Variants in CSMD2 observed in about 807,000 individuals in gnomAD.
CSMD2 encodes CUB and sushi domain-containing protein 2.
A neutral mutation model predicts 398.5 loss-of-function variants in CSMD2; 130 were observed. The ratio of observed to expected loss-of-function variants is 0.33; its 90% CI spans 0.28 to 0.38. The LOEUF (loss-of-function observed/expected upper bound fraction) is 0.38. Among genes scored for constraint, CSMD2 ranks in the 10% least tolerant of loss-of-function variants. The pLI is 1.00. For synonymous variants in CSMD2, 1,828 were observed against 1,908.5 expected, an observed-to-expected ratio of 0.96 and a Z score of 1.10; for missense variants, 3,829 against 4,764.9, an observed-to-expected ratio of 0.80 and a Z score of 5.78.
intron 1 of CSMD2, among the ~76,000 whole-genome samples, chr1:34,148,968 G>C (rs186877862): frequency 3.3e-5 from 5 of 152,282 alleles, no homozygotes; most frequent in Admixed American, 3.3e-4. Flanking sequence ...CAAGGGTCTA[G>C]TGTTTCCCAC....
intron 10 of CSMD2, chr1:33,804,648 T>A: frequency 1.4e-6 from 1 of 712,212 alleles, no homozygotes; most frequent in Non-Finnish European, 2.6e-6. Flanking sequence ...AATGCTCATC[T>A]CATAAAACAT....
At chr1:34,085,084 C>T (rs1175681418) in intron 2 of CSMD2, among the ~76,000 whole-genome samples, 1 of 152,132 alleles carries the variant, frequency 6.6e-6, no homozygotes, top group Non-Finnish European at 1.5e-5. Flanking sequence ...TTTGTAGGGA[C>T]ATGGATGAAG....
intron 64 of CSMD2, among the ~76,000 whole-genome samples, chr1:33,530,263 C>A (rs1655120651): frequency 6.6e-6 from 1 of 152,018 alleles, no homozygotes; most frequent in African/African-American, 2.4e-5. Context: ...AATAGATAAC[C>A]TGATTTAAAA....
intron 3 of CSMD2, among the ~76,000 whole-genome samples, chr1:33,946,882 G>A (rs1039090492): frequency 6.6e-6 from 1 of 151,592 alleles, no homozygotes; most frequent in African/African-American, 2.4e-5. Flanking sequence ...TGATCCACCT[G>A]CCTTAGCCTC....
chr1:33,959,872 C>T (rs1438519731), intron 3 of CSMD2, among the ~76,000 whole-genome samples: 9 of 152,294 alleles, frequency 5.9e-5, no homozygotes, highest in African/African-American at 1.7e-4. Flanking sequence ...GATTGGCTTG[C>T]CCCCTGGCTG....
At chr1:33,782,451 C>T (rs1456840127) in intron 12 of CSMD2, among the ~76,000 whole-genome samples, 1 of 152,098 alleles carries the variant, frequency 6.6e-6, no homozygotes, top group Non-Finnish European at 1.5e-5. Flanking sequence ...ATTCATCAGC[C>T]CCTCTTCACA....
intron 6 of CSMD2, among the ~76,000 whole-genome samples, chr1:33,831,185 G>C (rs1235814754): frequency 1.3e-4 from 19 of 151,914 alleles, no homozygotes; most frequent in Non-Finnish European, 2.4e-4. Flanking sequence ...TCCTCGAGAA[G>C]AGCAACTCTA....
chr1:33,536,663 C>T (rs1034331201), intron 62 of CSMD2, among the ~76,000 whole-genome samples: 2 of 152,208 alleles, frequency 1.3e-5, no homozygotes, highest in Admixed American at 6.5e-5. Context: ...GGCACATGCT[C>T]GTTGCCACTG....
At chr1:33,850,222 T>C (rs952407538) in intron 5 of CSMD2, among the ~76,000 whole-genome samples, 1 of 151,798 alleles carries the variant, frequency 6.6e-6, no homozygotes, top group African/African-American at 2.4e-5. Context: ...ACCCTGAGTG[T>C]GCACGCACAC....
intron 28 of CSMD2, among the ~76,000 whole-genome samples, chr1:33,649,264 C>T (rs1030173839): frequency 6.6e-6 from 1 of 152,202 alleles, no homozygotes; most frequent in Non-Finnish European, 1.5e-5. Context: ...TACTCAGATA[C>T]AGCAAGTCCT....
At chr1:33,603,570 C>T (rs910244214) in intron 42 of CSMD2, among the ~76,000 whole-genome samples, 7 of 152,226 alleles carry the variant, frequency 4.6e-5, no homozygotes, top group Admixed American at 3.9e-4. Flanking sequence ...ATCCCTGCTA[C>T]ATAAGCTGAA....
chr1:33,631,813 G>A (rs996240544), intron 32 of CSMD2, among the ~76,000 whole-genome samples: 2 of 152,096 alleles, frequency 1.3e-5, no homozygotes, highest in East Asian at 3.9e-4. Context: ...AGATTCTGAT[G>A]CAATGTTTTA....
At chr1:33,662,107 T>C (rs958631454) in intron 26 of CSMD2, among the ~76,000 whole-genome samples, 1 of 152,194 alleles carries the variant, frequency 6.6e-6, no homozygotes, top group African/African-American at 2.4e-5. Flanking sequence ...ACCAATCATA[T>C]AAATTATCTC....
At chr1:33,674,745 T>G (rs1397390437) in intron 25 of CSMD2, among the ~76,000 whole-genome samples, 1 of 152,018 alleles carries the variant, frequency 6.6e-6, no homozygotes, top group East Asian at 1.9e-4. Context: ...GAACAGAAAT[T>G]ATAACAAACT....
intron 7 of CSMD2, among the ~76,000 whole-genome samples, chr1:33,822,640 T>G (rs1175538034): frequency 6.6e-6 from 1 of 152,130 alleles, no homozygotes; most frequent in African/African-American, 2.4e-5. Context: ...CACCTCAGGC[T>G]GGGAAAGTAA....
At chr1:34,150,090 G>GT (rs1366026576) in intron 1 of CSMD2, among the ~76,000 whole-genome samples, 16 of 140,358 alleles carry the variant, frequency 1.1e-4, no homozygotes, top group East Asian at 4.2e-4. Context: ...TTTTTTTTTT[G>GT]TTTTTTTTTG....
chr1:33,982,863 AT>A (rs1375883424), intron 3 of CSMD2, among the ~76,000 whole-genome samples: 1 of 152,196 alleles, frequency 6.6e-6, no homozygotes, highest in Non-Finnish European at 1.5e-5. Flanking sequence ...GGCTTTGTAC[AT>A]CCAAGACATT....
chr1:33,679,630 G>C (rs998176752), intron 25 of CSMD2, among the ~76,000 whole-genome samples: 2 of 152,140 alleles, frequency 1.3e-5, no homozygotes, highest in Non-Finnish European at 2.9e-5. Context: ...AAATCACATA[G>C]AAAGCATCTA....
intron 5 of CSMD2, among the ~76,000 whole-genome samples, chr1:33,849,498 A>G (rs1638542131): frequency 1.3e-5 from 2 of 152,214 alleles, no homozygotes; most frequent in Admixed American, 1.3e-4. Flanking sequence ...GGTGAGAGAT[A>G]AAGGTTGGGG....
Sources: allele counts gnomAD v4.1 joint callset (sites outside exome capture counted in the v4.1 genomes callset), GRCh38; gene constraint gnomAD v4.1.1; transcripts MANE v1.5; gene names NCBI Gene and HGNC (gene_info 2026-07-23, HGNC 2026-07-21).